MB21D2: variants seen among roughly 807,000 people sequenced by gnomAD.
MB21D2 encodes Mab-21 domain containing 2, also known as nucleotidyltransferase MB21D2.
In MB21D2, 9 loss-of-function variants were observed where a neutral mutation model predicts 33.3. The observed-to-expected ratio is 0.27, with a 90% CI of 0.16 to 0.47. MB21D2 has a LOEUF of 0.47. Ranked by LOEUF, MB21D2 falls within the 20% of genes least tolerant of loss-of-function variation. MB21D2 has a pLI of 0.99. For synonymous variants in MB21D2, 241 were observed against 236.3 expected, an observed-to-expected ratio of 1.02 and a Z score of -0.18; for missense variants, 540 against 624.6, an observed-to-expected ratio of 0.86 and a Z score of 1.44.
chr3:192,870,387 T>C (rs1220306186), intron 1 of MB21D2, among the ~76,000 whole-genome samples: 1 of 152,150 alleles, frequency 6.6e-6, no homozygotes, highest in Non-Finnish European at 1.5e-5. Flanking sequence ...TGCTTACCCT[T>C]GTTCTTAGAA....
intron 1 of MB21D2, among the ~76,000 whole-genome samples, chr3:192,906,454 C>A (rs1456449904): frequency 6.6e-6 from 1 of 152,170 alleles, no homozygotes; most frequent in African/African-American, 2.4e-5. Flanking sequence ...ATTTCAGCCA[C>A]CTTGAAAGCT....
chr3:192,893,364 T>TATAG (rs200134758), intron 1 of MB21D2, among the ~76,000 whole-genome samples: 4,130 of 152,238 alleles, frequency 0.027, 67 homozygotes, highest in Middle Eastern at 0.048. Flanking sequence ...ATTTCAAAAG[T>TATAG]ATAGCTACCT....
chr3:192,837,307 T>C (rs879586829), intron 1 of MB21D2, among the ~76,000 whole-genome samples: 2 of 152,156 alleles, frequency 1.3e-5, no homozygotes, highest in Non-Finnish European at 2.9e-5. Context: ...CACATAAACA[T>C]GCCTATTGTT....
intron 1 of MB21D2, among the ~76,000 whole-genome samples, chr3:192,868,151 C>T (rs1180734621): frequency 6.6e-6 from 1 of 152,170 alleles, no homozygotes; most frequent in African/African-American, 2.4e-5. Context: ...TATAAATGCC[C>T]TTTTAGCCCT....
intron 1 of MB21D2, among the ~76,000 whole-genome samples, chr3:192,804,967 G>A (rs942899976): frequency 4.6e-5 from 7 of 152,112 alleles, no homozygotes; most frequent in Admixed American, 2.0e-4. Context: ...GCCTTTCCTC[G>A]TTCATGCCCA....
chr3:192,894,259 G>A (rs753703058), intron 1 of MB21D2, among the ~76,000 whole-genome samples: 1 of 151,864 alleles, frequency 6.6e-6, no homozygotes, highest in Non-Finnish European at 1.5e-5. Context: ...CTCAGGAGTA[G>A]CTGGGATTAT....
chr3:192,857,112 A>AG (rs1257882305), intron 1 of MB21D2, among the ~76,000 whole-genome samples: 1 of 152,196 alleles, frequency 6.6e-6, no homozygotes, highest in Non-Finnish European at 1.5e-5. Context: ...AAGAAAGGCA[A>AG]GCAGAAATAT....
chr3:192,846,571 T>C (rs201496844), intron 1 of MB21D2, among the ~76,000 whole-genome samples: 1 of 152,176 alleles, frequency 6.6e-6, no homozygotes, highest in Non-Finnish European at 1.5e-5. Flanking sequence ...AACCCACTCA[T>C]AGCATCACCT....
At chr3:192,855,034 A>G (rs1712885633) in intron 1 of MB21D2, among the ~76,000 whole-genome samples, 1 of 152,246 alleles carries the variant, frequency 6.6e-6, no homozygotes, top group South Asian at 2.1e-4. Flanking sequence ...TCTGCAACTC[A>G]TGTACCAATG....
chr3:192,812,014 C>G (rs1711797880), intron 1 of MB21D2, among the ~76,000 whole-genome samples: 1 of 151,974 alleles, frequency 6.6e-6, no homozygotes, highest in Non-Finnish European at 1.5e-5. Flanking sequence ...TTTGTCCGTA[C>G]TTTCTTTTGT....
At chr3:192,891,039 C>CA (rs1439714894) in intron 1 of MB21D2, among the ~76,000 whole-genome samples, 4 of 152,224 alleles carry the variant, frequency 2.6e-5, no homozygotes, top group East Asian at 1.9e-4. Context: ...AAAGGAATAC[C>CA]ACGCAGGGGG....
At position 192,888,076 on chromosome 3, in the gene MB21D2, C is replaced by T. The variant is rs555249227; in HGVS notation, c.211+29554G>A. On this transcript the variant is annotated intron_variant, in intron 1 of 1. Coordinates refer to ENST00000392452, the MANE Select transcript of MB21D2 (RefSeq NM_178496.4). ...TAGAAGGGCACCAACACTGCTCCTC[C>T]GTTCTGGGAAAAAGTCTCCCGGCTC... Among the ~76,000 whole-genome samples, 105 of 152,182 alleles carry T rather than the reference C, an allele frequency of 6.9e-4. 1 individual carries two copies. Among genetic ancestry groups the T allele is most frequent in the African/African-American group, 2.2e-3 (91 of 41,450 alleles).
At chr3:192,809,546 T>C (rs1271042070) in intron 1 of MB21D2, among the ~76,000 whole-genome samples, 1 of 152,184 alleles carries the variant, frequency 6.6e-6, no homozygotes, top group Non-Finnish European at 1.5e-5. Flanking sequence ...GAATAAACAA[T>C]GTAATACCTT....
intron 1 of MB21D2, among the ~76,000 whole-genome samples, chr3:192,866,491 A>G (rs1264364471): frequency 6.6e-6 from 1 of 152,206 alleles, no homozygotes; most frequent in African/African-American, 2.4e-5. Context: ...TCCCAGCCCA[A>G]TATGTATGCT....
At chr3:192,829,378 G>A (rs1010048970) in intron 1 of MB21D2, among the ~76,000 whole-genome samples, 13 of 152,140 alleles carry the variant, frequency 8.5e-5, no homozygotes, top group Admixed American at 7.9e-4. Context: ...TCTCTCAGAC[G>A]AATACCTGGA....
At chr3:192,888,880 C>T (rs1355954960) in intron 1 of MB21D2, among the ~76,000 whole-genome samples, 1 of 152,006 alleles carries the variant, frequency 6.6e-6, no homozygotes, top group Non-Finnish European at 1.5e-5. Flanking sequence ...CTGTGAACTC[C>T]AGACCAAGCT....
At chr3:192,866,022 T>C (rs1164528222) in intron 1 of MB21D2, among the ~76,000 whole-genome samples, 1 of 151,368 alleles carries the variant, frequency 6.6e-6, no homozygotes, top group South Asian at 2.1e-4. Flanking sequence ...TACTCTGGCC[T>C]GGGCAGCAGA....
At chr3:192,875,658 AT>A (rs950213668) in intron 1 of MB21D2, among the ~76,000 whole-genome samples, 17 of 152,284 alleles carry the variant, frequency 1.1e-4, no homozygotes, top group African/African-American at 4.1e-4. Context: ...GGAGTACTAA[AT>A]TTTTTTAGAG....
At chr3:192,906,699 T>G (rs1714223226) in intron 1 of MB21D2, among the ~76,000 whole-genome samples, 1 of 152,234 alleles carries the variant, frequency 6.6e-6, no homozygotes, top group South Asian at 2.1e-4. Context: ...CTTGCATGCT[T>G]AATTTTGTTA....
Sources: allele counts gnomAD v4.1 joint callset (sites outside exome capture counted in the v4.1 genomes callset), GRCh38; gene constraint gnomAD v4.1.1; transcripts MANE v1.5; gene names NCBI Gene and HGNC (gene_info 2026-07-23, HGNC 2026-07-21).